Variants in PALM2AKAP2 observed in about 807,000 individuals in gnomAD.
PALM2AKAP2 encodes the protein PALM2 and AKAP2 fusion.
A neutral mutation model predicts 71.5 loss-of-function variants in PALM2AKAP2; 37 were observed. The observed-to-expected ratio is 0.52, with a 90% confidence interval of 0.40 to 0.68. The LOEUF is 0.68. Among genes scored for constraint, PALM2AKAP2 ranks in the 30% least tolerant of loss-of-function variants. The pLI, the probability that PALM2AKAP2 is intolerant of heterozygous loss-of-function variation, is 0.00. For synonymous variants in PALM2AKAP2, 468 were observed against 478.8 expected (o/e 0.98, Z 0.29); for missense variants, 1,224 against 1,191.8 (o/e 1.03, Z -0.40).
intron 1 of PALM2AKAP2, among the ~76,000 whole-genome samples, chr9:109,853,987 G>A (rs1172966832): frequency 1.3e-5 from 2 of 152,210 alleles, no homozygotes; most frequent in African/African-American, 4.8e-5. Context: ...TCTAGGACTA[G>A]AGCAGGGCTC....
At chr9:110,106,175 G>A (rs894247885) in intron 1 of PALM2AKAP2, among the ~76,000 whole-genome samples, 1 of 152,164 alleles carries the variant, frequency 6.6e-6, no homozygotes, top group Non-Finnish European at 1.5e-5. Flanking sequence ...TTTTTGGAGA[G>A]GAAAACCTTG....
At chr9:109,711,216 A>G (rs1184130581) in intron 1 of PALM2AKAP2, among the ~76,000 whole-genome samples, 1 of 152,184 alleles carries the variant, frequency 6.6e-6, no homozygotes, top group Non-Finnish European at 1.5e-5. Flanking sequence ...CTTGGTTAAA[A>G]GATTATGGGT....
At chr9:109,876,442 C>A (rs1393571021) in intron 2 of PALM2AKAP2, among the ~76,000 whole-genome samples, 1 of 152,176 alleles carries the variant, frequency 6.6e-6, no homozygotes, top group Non-Finnish European at 1.5e-5. Context: ...AAACAGGATT[C>A]TCTGAGACCA....
intron 1 of PALM2AKAP2, among the ~76,000 whole-genome samples, chr9:109,708,049 T>A (rs1461943620): frequency 6.6e-6 from 1 of 152,066 alleles, no homozygotes; most frequent in Non-Finnish European, 1.5e-5. Context: ...GAACAAAAGG[T>A]CCCACTCCTC....
At chr9:110,158,658 A>C (rs1376817621) in intron 3 of PALM2AKAP2, among the ~76,000 whole-genome samples, 2 of 152,204 alleles carry the variant, frequency 1.3e-5, no homozygotes, top group African/African-American at 4.8e-5. Flanking sequence ...CTTCACTTAC[A>C]AATCAAAGAG....
intron 1 of PALM2AKAP2, among the ~76,000 whole-genome samples, chr9:109,679,369 C>A (rs1246791980): frequency 6.6e-6 from 1 of 152,174 alleles, no homozygotes; most frequent in Non-Finnish European, 1.5e-5. Flanking sequence ...CCTTCCCTAG[C>A]CAGATGACTT....
chr9:110,066,379 G>T (rs369641323), intron 1 of PALM2AKAP2, among the ~76,000 whole-genome samples: 71 of 152,276 alleles, frequency 4.7e-4, no homozygotes, highest in African/African-American at 1.6e-3. Flanking sequence ...ACCTCATAGA[G>T]TTGTTGAGAG....
intron 3 of PALM2AKAP2, among the ~76,000 whole-genome samples, 193 bp downstream of exon 10, chr9:110,162,325 A>G (rs934725242): frequency 6.6e-6 from 1 of 152,032 alleles, no homozygotes; most frequent in African/African-American, 2.4e-5. Flanking sequence ...AGTGATATAC[A>G]ATGGTGTGGT....
At chr9:109,809,133 C>T (rs917168381) in intron 1 of PALM2AKAP2, among the ~76,000 whole-genome samples, 1 of 152,214 alleles carries the variant, frequency 6.6e-6, no homozygotes, top group Non-Finnish European at 1.5e-5. Flanking sequence ...AGTGTCCCCA[C>T]TAGGGCACTG....
intron 1 of PALM2AKAP2, among the ~76,000 whole-genome samples, chr9:109,752,289 A>G (rs543397185): frequency 5.3e-5 from 8 of 152,276 alleles, no homozygotes; most frequent in African/African-American, 1.7e-4. Flanking sequence ...TGAAGTGACC[A>G]TGAGTAGGAA....
At chr9:109,797,750 G>A (rs887083964) in intron 1 of PALM2AKAP2, among the ~76,000 whole-genome samples, 1 of 152,228 alleles carries the variant, frequency 6.6e-6, no homozygotes, top group Non-Finnish European at 1.5e-5. Flanking sequence ...AAACAAAAAT[G>A]AGCCATCTCT....
chr9:109,995,128 C>A (rs1227181553), intron 6 of PALM2AKAP2, among the ~76,000 whole-genome samples: 3 of 152,134 alleles, frequency 2.0e-5, no homozygotes, highest in African/African-American at 7.2e-5. Flanking sequence ...GCTGGGTGAG[C>A]TCCCATAGGT....
At chr9:109,831,962 A>G (rs898422446) in intron 1 of PALM2AKAP2, among the ~76,000 whole-genome samples, 6 of 152,208 alleles carry the variant, frequency 3.9e-5, no homozygotes, top group Non-Finnish European at 8.8e-5. Flanking sequence ...CTAAAGTCAC[A>G]CACTGGAAGC....
At chr9:109,971,943 G>A (rs962514267) in intron 6 of PALM2AKAP2, among the ~76,000 whole-genome samples, 3 of 152,154 alleles carry the variant, frequency 2.0e-5, no homozygotes, top group Non-Finnish European at 4.4e-5. Context: ...ACCAAGCCAG[G>A]CTTAAATGCT....
At chr9:110,043,714 G>GTTTTTTTTTTTTTTTTTTTTTT (rs71492869), upstream of PALM2AKAP2, among the ~76,000 whole-genome samples, 2 of 98,410 alleles carry the variant, frequency 2.0e-5, 1 homozygote, top group African/African-American at 8.9e-5. Context: ...GTTTTTTTTG[G>GTTTTTTTTTTTTTTTTTTTTTT]TGTTTTTTTT....
intron 3 of PALM2AKAP2, among the ~76,000 whole-genome samples, chr9:109,890,132 T>C (rs1347023085): frequency 1.3e-5 from 2 of 152,220 alleles, no homozygotes; most frequent in Non-Finnish European, 2.9e-5. Flanking sequence ...GACATACTCT[T>C]CCACAGTTTT....
intron 1 of PALM2AKAP2, among the ~76,000 whole-genome samples, chr9:110,121,956 G>A (rs1388626415): frequency 1.3e-5 from 2 of 152,184 alleles, no homozygotes; most frequent in Non-Finnish European, 2.9e-5. Context: ...ATGTACCTGG[G>A]ATCTCATTTT....
chr9:110,024,825 GTT>G (rs879042144), intron 7 of PALM2AKAP2: 52 of 529,684 alleles, frequency 9.8e-5, no homozygotes, highest in Admixed American at 1.3e-4. Context: ...TGGGTTTTTT[GTT>G]TTTTTTTTTT....
chr9:109,960,774 A>G (rs186658010), intron 6 of PALM2AKAP2, among the ~76,000 whole-genome samples: 5 of 152,274 alleles, frequency 3.3e-5, no homozygotes, highest in Admixed American at 3.3e-4. Flanking sequence ...GCAGGTAGCC[A>G]TGGGTCTTCT....
Sources: allele counts gnomAD v4.1 joint callset (sites outside exome capture counted in the v4.1 genomes callset), GRCh38; gene constraint gnomAD v4.1.1; transcripts MANE v1.5; gene names NCBI Gene and HGNC (gene_info 2026-07-23, HGNC 2026-07-21).